The following ZNF140 variants were observed in gnomAD, a reference collection of about 807,000 sequenced individuals.
The protein encoded by ZNF140 is zinc finger protein 140 (clone pHZ-39).
ZNF140 carries 13 observed loss-of-function variants against 12.9 expected under a neutral mutation model. The ratio of observed to expected loss-of-function variants is 1.01; its 90% confidence interval spans 0.66 to 1.60. The LOEUF (loss-of-function observed/expected upper bound fraction) is 1.60, where lower values mean the gene tolerates loss of function less well. ZNF140 is among the 40% of genes most tolerant of loss of function. ZNF140 has a pLI of 0.00. For missense variants in ZNF140, 531 were observed against 548.8 expected, an observed-to-expected ratio of 0.97 and a Z score of 0.32; for synonymous variants, 214 against 186.7, an observed-to-expected ratio of 1.15 and a Z score of -1.19.
At chr12:133,088,328 G>A (rs1164151969) in intron 4 of ZNF140, among the ~76,000 whole-genome samples, 2 of 152,124 alleles carry the variant, frequency 1.3e-5, no homozygotes, top group African/African-American at 4.8e-5. Flanking sequence ...CCATAGTTTT[G>A]CCTGTTCCAG....
chr12:133,086,714 C>T (rs2137496306), intron 4 of ZNF140, among the ~76,000 whole-genome samples: 1 of 152,076 alleles, frequency 6.6e-6, no homozygotes, highest in Non-Finnish European at 1.5e-5. Context: ...AAATCTTTCC[C>T]TCCTAAGAGA....
intron 4 of ZNF140, among the ~76,000 whole-genome samples, chr12:133,086,772 A>G (rs1159538821): frequency 6.6e-6 from 1 of 152,146 alleles, no homozygotes; most frequent in African/African-American, 2.4e-5. Flanking sequence ...AAGCCTACTT[A>G]TTTTGCCATT....
At chr12:133,097,410 A>T (rs2137549033) in intron 4 of ZNF140, among the ~76,000 whole-genome samples, 1 of 152,204 alleles carries the variant, frequency 6.6e-6, no homozygotes, top group South Asian at 2.1e-4. Context: ...ATGGGAGGCC[A>T]AGGTGGGCAG....
At position 133,106,724 on chromosome 12, in the gene ZNF140, A is replaced by G; in HGVS notation, c.*73A>G. 1 of 1,344,944 alleles carries G rather than the reference A, an allele frequency of 7.4e-7. No individual in the cohort carries two copies. The highest frequency in any genetic ancestry group is 1.0e-6 in the Non-Finnish European group (1 of 1,000,740). The allele number at this position is 1,344,944 out of a possible 1,614,324, so 83.3% of individuals were successfully genotyped here. On this transcript the variant is annotated 3_prime_UTR_variant, in exon 5 of 5. Coordinates refer to ENST00000355557, the MANE Select transcript of ZNF140 (RefSeq NM_003440.4). ...GAAGTATAATGCCTTACTTCAGAGA[A>G]CTCTTGGAAAGAAGCCTTATGTGAA...
intron 4 of ZNF140, among the ~76,000 whole-genome samples, chr12:133,104,920 A>C (rs1955532737): frequency 6.6e-6 from 1 of 152,162 alleles, no homozygotes; most frequent in East Asian, 1.9e-4. Flanking sequence ...AATGCCCAAT[A>C]GTCAGGTTTT....
At chr12:133,101,911 TC>T (rs1337993163) in intron 4 of ZNF140, among the ~76,000 whole-genome samples, 1 of 152,212 alleles carries the variant, frequency 6.6e-6, no homozygotes, top group Non-Finnish European at 1.5e-5. Context: ...ATTCCAACAT[TC>T]CTACCGTATC....
intron 4 of ZNF140, among the ~76,000 whole-genome samples, chr12:133,087,143 A>G (rs1409393639): frequency 6.8e-6 from 1 of 147,776 alleles, no homozygotes; most frequent in Non-Finnish European, 1.5e-5. Context: ...TACCTGAACT[A>G]TGTAGGCATC....
At chr12:133,089,280 A>G (rs890112095) in intron 4 of ZNF140, among the ~76,000 whole-genome samples, 27 of 151,544 alleles carry the variant, frequency 1.8e-4, no homozygotes, top group African/African-American at 6.5e-4. Flanking sequence ...TGGTGCAATC[A>G]TGGCTCACTG....
chr12:133,083,157 TG>T lies in ZNF140; in HGVS notation c.66del (p.Trp22CysfsTer13). 1 of 1,614,216 alleles carries T rather than the reference TG, an allele frequency of 6.2e-7. No individual in the cohort carries two copies. The highest frequency in any genetic ancestry group is 8.5e-7 in the Non-Finnish European group (1 of 1,180,038). The part of the protein sequence containing the change: ...AIDFSQEEWK[W>X]LQPAQRDLYR... ...AGACTTCTCCCAGGAGGAGTGGAAA[TG>T]GCTTCAGCCTGCTCAAAGAGATTTG... On this transcript the variant is annotated frameshift_variant, in exon 3 of 5. Transcript: ENST00000355557. LOFTEE classifies it high-confidence loss of function.
intron 4 of ZNF140, among the ~76,000 whole-genome samples, chr12:133,104,555 G>A (rs1955504531): frequency 6.6e-6 from 1 of 152,062 alleles, no homozygotes; most frequent in Non-Finnish European, 1.5e-5. Context: ...GTTTCACTGT[G>A]TTAGCCAGGC....
intron 4 of ZNF140, among the ~76,000 whole-genome samples, chr12:133,104,482 C>G (rs765298465): frequency 6.3e-4 from 96 of 151,812 alleles, no homozygotes; most frequent in Non-Finnish European, 1.0e-3. Flanking sequence ...CTCCTGAGTA[C>G]CTGGGACTAC....
At chr12:133,096,441 G>A (rs1295533687) in intron 4 of ZNF140, among the ~76,000 whole-genome samples, 1 of 152,088 alleles carries the variant, frequency 6.6e-6, no homozygotes, top group Non-Finnish European at 1.5e-5. Context: ...TTCTACATAG[G>A]TACAGTGACA....
chr12:133,100,117 GT>G (rs1174328909), intron 4 of ZNF140, among the ~76,000 whole-genome samples: 1 of 113,658 alleles, frequency 8.8e-6, no homozygotes, highest in Non-Finnish European at 1.8e-5. Flanking sequence ...GTTAGAGTAT[GT>G]TTCTGTTCAT....
Position 133,083,156 on chromosome 12 carries a change from A to T in ZNF140, c.63A>T (p.Lys21Asn). 1 of 1,614,214 alleles carries T rather than the reference A, an allele frequency of 6.2e-7. No homozygotes were observed. The highest frequency in any genetic ancestry group is 1.1e-5 in the South Asian group (1 of 91,086). ...TAGACTTCTCCCAGGAGGAGTGGAA[A>T]TGGCTTCAGCCTGCTCAAAGAGATT... ...VAIDFSQEEWKWLQPAQRDLY... is the reference protein window; with the variant it reads ...VAIDFSQEEWNWLQPAQRDLY... Residue 21 changes from lysine to asparagine, a missense_variant, in exon 3 of 5, where the codon AAA becomes AAT. Physicochemically the swap from Lys to Asn is moderately conservative, Grantham distance 94 (BLOSUM62 0). Coordinates refer to ENST00000355557, the MANE Select transcript of ZNF140 (RefSeq NM_003440.4).
intron 4 of ZNF140, among the ~76,000 whole-genome samples, chr12:133,090,675 G>T (rs1166590887): frequency 6.7e-6 from 1 of 148,630 alleles, no homozygotes; most frequent in Non-Finnish European, 1.5e-5. Flanking sequence ...GCATACCAAG[G>T]ACCTGCACCA....
intron 4 of ZNF140, among the ~76,000 whole-genome samples, chr12:133,104,748 A>T (rs987938816): frequency 8.5e-5 from 13 of 152,334 alleles, no homozygotes; most frequent in African/African-American, 3.1e-4. Flanking sequence ...TTCAGCATGG[A>T]GAAAATTAGG....
Position 133,083,089 on chromosome 12 carries a change from G to T in ZNF140, c.10-14G>T, listed in dbSNP as rs994481360. 5.2e-5 allele frequency: 84 copies of T among 1,614,016 alleles called. 1 individual carries two copies. The African/African-American group carries it at 1.0e-3, about 19-fold the overall frequency. ...ATGCGTGCTGGTCATGCAAATATCT[G>T]TCCGTCATTTCAGGGGTCAGTGACA... is the stretch of plus-strand genomic sequence containing the variant. On this transcript the variant is annotated splice_polypyrimidine_tract_variant and intron_variant, in intron 2 of 4. Coordinates refer to ENST00000355557, the MANE Select transcript of ZNF140 (RefSeq NM_003440.4).
Position 133,097,544 on chromosome 12 carries a change from G to A in ZNF140, c.233-7966G>A, listed in dbSNP as rs568681547. On this transcript the variant is annotated intron_variant, in intron 4 of 4. Transcript: ENST00000355557. ...TATAGTCCCAGCTACTCGGGAGGCT[G>A]AGGCACGAGAATGGCGTGAACCCGG... Among the ~76,000 whole-genome samples, 636 of 151,760 alleles carry A rather than the reference G, an allele frequency of 4.2e-3. 4 individuals are homozygous for A. Among genetic ancestry groups the A allele is most frequent in the African/African-American group, 0.015 (614 of 41,334 alleles).
In ZNF140 at chr12:133,094,752, C is replaced by T. The variant is rs1032497081; in HGVS notation, c.233-10758C>T. On this transcript the variant is annotated intron_variant, in intron 4 of 4. Coordinates refer to ENST00000355557, the MANE Select transcript of ZNF140 (RefSeq NM_003440.4). Reference sequence around the variant, plus strand: ...GTGCCACGAGCCAAGTCGCAGCAAGCGTAGTTTCAGGCTCCCTCCCCCAGC... The same window carrying T: ...GTGCCACGAGCCAAGTCGCAGCAAGTGTAGTTTCAGGCTCCCTCCCCCAGC... Among the ~76,000 whole-genome samples, 14 of 151,282 alleles carry T rather than the reference C, an allele frequency of 9.3e-5. 1 individual carries two copies. Among genetic ancestry groups the T allele is most frequent in the Admixed American group, 2.0e-4 (3 of 15,236 alleles).
Sources: gnomAD v4.1 joint callset for allele counts (sites outside exome capture counted in the v4.1 genomes callset) on GRCh38, gnomAD v4.1.1 for gene constraint, MANE v1.5 for transcripts, NCBI Gene and HGNC (gene_info 2026-07-23, HGNC 2026-07-21) for gene names.